PDZRN4: variants seen among roughly 807,000 people sequenced by gnomAD.
PDZRN4 encodes the protein PDZ domain-containing RING finger protein 4.
PDZRN4 carries 70 observed loss-of-function variants against 99.0 expected under a neutral mutation model. That is an observed-to-expected ratio of 0.71 (90% CI 0.58 to 0.86). The LOEUF (loss-of-function observed/expected upper bound fraction) is 0.86, where lower values mean the gene tolerates loss of function less well. Ranked by LOEUF, PDZRN4 falls within the 40% of genes least tolerant of loss-of-function variation. The pLI is 0.00. For missense variants in PDZRN4, 1,474 were observed against 1,331.2 expected (o/e 1.11, Z -1.67); for synonymous variants, 551 against 501.6 (o/e 1.10, Z -1.32).
In PDZRN4 at chr12:41,552,702, C is replaced by T; in HGVS notation, c.1250C>T (p.Thr417Ile). The change falls in exon 6 of 10, where the codon ACA (threonine) becomes ATA (isoleucine). Residue 417 changes from threonine to isoleucine, a missense_variant. Physicochemically the swap from Thr to Ile is moderately conservative, Grantham distance 89. Coordinates refer to ENST00000402685, the MANE Select transcript of PDZRN4 (RefSeq NM_001164595.2). ...RVSSQEKLGL[T>I]VCYRTDDEED... Reference sequence around the variant, plus strand: ...AGCAGTCAAGAGAAGCTGGGCCTGACAGTCTGTTACCGAACAGATGATGAA... The same window carrying T: ...AGCAGTCAAGAGAAGCTGGGCCTGATAGTCTGTTACCGAACAGATGATGAA... 1 of 1,613,788 alleles carries T rather than the reference C, an allele frequency of 6.2e-7. No individual in the cohort carries two copies. The highest frequency in any genetic ancestry group is 8.5e-7 in the Non-Finnish European group (1 of 1,179,794).
Position 41,572,374 on chromosome 12 carries a change from A to T in PDZRN4, c.1595A>T (p.Gln532Leu). The T allele has an allele frequency of 6.6e-7, 1 of 1,510,972 alleles. No homozygotes were observed. The highest frequency in any genetic ancestry group is 1.2e-5 in the South Asian group (1 of 81,350). 93.6% of individuals were successfully genotyped at this position (1,510,972 alleles called of 1,614,324 possible). A position where few individuals can be genotyped will look rare whatever the true frequency, so the allele number is the denominator to read the frequency against. ...ACATCATTTTCTTAGCCAAAAAAGCAAGAAGAAGAAGAAGGCACAACAGAC... is the reference window on the plus strand; with the variant it reads ...ACATCATTTTCTTAGCCAAAAAAGCTAGAAGAAGAAGAAGGCACAACAGAC... Reference protein sequence around the residue: ...TANEVEQPKKQEEEEGTTDTA... With the variant: ...TANEVEQPKKLEEEEGTTDTA... The change falls in exon 10 of 10, where the codon CAA (glutamine) becomes CTA (leucine). Residue 532 changes from glutamine (Q) to leucine (L), a missense_variant. Physicochemically the swap from Gln to Leu is moderately radical, Grantham distance 113. Coordinates refer to ENST00000402685, the MANE Select transcript of PDZRN4 (RefSeq NM_001164595.2).
At chr12:41,460,179 C>A (rs1218084564) in intron 3 of PDZRN4, 2 of 868,568 alleles carry the variant, frequency 2.3e-6, no homozygotes, top group Admixed American at 3.7e-5. Context: ...GCACGTTTAA[C>A]AAGAGTTTAT....
At chr12:41,496,550 C>T (rs1234496606) in intron 3 of PDZRN4, among the ~76,000 whole-genome samples, 1 of 152,084 alleles carries the variant, frequency 6.6e-6, no homozygotes, top group Non-Finnish European at 1.5e-5. Context: ...TCTGCTACAA[C>T]AATGAATGAC....
intron 3 of PDZRN4, among the ~76,000 whole-genome samples, chr12:41,339,447 A>G (rs1263040836): frequency 6.6e-6 from 1 of 152,140 alleles, no homozygotes; most frequent in Non-Finnish European, 1.5e-5. Context: ...ATTTAAATCT[A>G]AGTCCTGAAA....
intron 5 of PDZRN4, among the ~76,000 whole-genome samples, chr12:41,538,658 C>CA (rs890632306): frequency 6.6e-6 from 1 of 151,494 alleles, no homozygotes; most frequent in African/African-American, 2.4e-5. Context: ...AATTGTTGGG[C>CA]AAAAAAATTA....
At chr12:41,301,654 C>A (rs970856992) in intron 3 of PDZRN4, among the ~76,000 whole-genome samples, 2 of 152,040 alleles carry the variant, frequency 1.3e-5, no homozygotes, top group Non-Finnish European at 2.9e-5. Flanking sequence ...AATCTAACAG[C>A]TATTTTATAA....
intron 3 of PDZRN4, among the ~76,000 whole-genome samples, chr12:41,301,853 T>C (rs1003671048): frequency 1.2e-4 from 18 of 152,232 alleles, no homozygotes; most frequent in African/African-American, 3.8e-4. Context: ...ATTTTAGCCA[T>C]GTGGTCTCAG....
At chr12:41,538,269 C>A (rs187170611) in intron 5 of PDZRN4, among the ~76,000 whole-genome samples, 1 of 151,800 alleles carries the variant, frequency 6.6e-6, no homozygotes, top group African/African-American at 2.4e-5. Flanking sequence ...AGAAATTTTT[C>A]TTTGAATACA....
At chr12:41,386,452 C>G (rs1952171411) in intron 3 of PDZRN4, among the ~76,000 whole-genome samples, 1 of 152,076 alleles carries the variant, frequency 6.6e-6, no homozygotes, top group Non-Finnish European at 1.5e-5. Flanking sequence ...AACTACAAAC[C>G]ACTGCTCAAA....
At chr12:41,264,703 G>A (rs868265561) in intron 3 of PDZRN4, among the ~76,000 whole-genome samples, 1 of 152,256 alleles carries the variant, frequency 6.6e-6, no homozygotes, top group Middle Eastern at 3.4e-3. Flanking sequence ...TCTTGCAGGT[G>A]TATATTTAAC....
intron 3 of PDZRN4, chr12:41,411,665 G>A (rs949760694): frequency 1.3e-5 from 2 of 152,120 alleles, no homozygotes; most frequent in African/African-American, 2.4e-5. Flanking sequence ...TGCTTTTCTG[G>A]GGACTGCTTA....
At chr12:41,552,818 C>T in intron 6 of PDZRN4, 64 bp downstream of exon 6, 1 of 1,279,738 alleles carries the variant, frequency 7.8e-7, no homozygotes. Context: ...CGAAATGACT[C>T]ACAATGAGAA....
chr12:41,558,727 A>G (rs2120820531), intron 7 of PDZRN4, among the ~76,000 whole-genome samples: 1 of 152,362 alleles, frequency 6.6e-6, no homozygotes, highest in Admixed American at 6.5e-5. Flanking sequence ...ATTACTTTAT[A>G]TTCTGTGACA....
rs1592094370 is a variant in PDZRN4 at position 41,518,054 on chromosome 12, G to T, written c.1203+8141G>T. ...TTTAAAAATACAGAAAATAATCCTA[G>T]TTTGAATTTTTTCTTCACTATATCA... On this transcript the variant is annotated intron_variant, in intron 5 of 9. Coordinates refer to ENST00000402685, the MANE Select transcript of PDZRN4 (RefSeq NM_001164595.2). Among the ~76,000 whole-genome samples, 6 of 152,104 alleles carry T rather than the reference G, an allele frequency of 3.9e-5. 1 individual carries two copies. The highest frequency in any genetic ancestry group is 3.3e-4 in the Admixed American group (5 of 15,246).
chr12:41,231,974 T>G (rs910092688), intron 3 of PDZRN4, among the ~76,000 whole-genome samples: 1 of 152,050 alleles, frequency 6.6e-6, no homozygotes, highest in Admixed American at 6.6e-5. Flanking sequence ...GAAATTATAA[T>G]TGTTTTAATA....
chr12:41,385,750 G>T (rs1380694071), intron 3 of PDZRN4, among the ~76,000 whole-genome samples: 1 of 152,100 alleles, frequency 6.6e-6, no homozygotes, highest in Non-Finnish European at 1.5e-5. Context: ...GTACAAAGAA[G>T]AGTTGGTACC....
At chr12:41,205,762 T>C (rs1049433416) in intron 3 of PDZRN4, among the ~76,000 whole-genome samples, 1 of 151,762 alleles carries the variant, frequency 6.6e-6, no homozygotes, top group African/African-American at 2.4e-5. Flanking sequence ...TTACAGAAGA[T>C]CACAGATCAT....
intron 3 of PDZRN4, among the ~76,000 whole-genome samples, chr12:41,324,188 C>G (rs1565552034): frequency 6.6e-6 from 1 of 151,964 alleles, no homozygotes; most frequent in African/African-American, 2.4e-5. Context: ...TTCCTTCATT[C>G]CTCTGCATGA....
chr12:41,355,456 A>G (rs927738382), intron 3 of PDZRN4, among the ~76,000 whole-genome samples: 7 of 152,078 alleles, frequency 4.6e-5, no homozygotes, highest in African/African-American at 1.7e-4. Context: ...CTCTTTAATT[A>G]CAATGAGAAG....
Sources: allele counts gnomAD v4.1 joint callset (sites outside exome capture counted in the v4.1 genomes callset), GRCh38; gene constraint gnomAD v4.1.1; transcripts MANE v1.5; gene names NCBI Gene and HGNC (gene_info 2026-07-23, HGNC 2026-07-21).